Variants in NR3C2 observed in about 807,000 individuals in gnomAD.
The protein encoded by NR3C2 is nuclear receptor subfamily 3 group C member 2, also known as mineralocorticoid receptor.
In NR3C2, 15 loss-of-function variants were observed where a neutral mutation model predicts 86.4. The ratio of observed to expected loss-of-function variants is 0.17; its 90% CI spans 0.12 to 0.27. The LOEUF is 0.27. NR3C2 is among the 10% of genes least tolerant of loss of function. The probability of loss-of-function intolerance (pLI) is 1.00; values close to 1 mark genes in which losing one functional copy is unlikely to be tolerated. For missense variants in NR3C2, 960 were observed against 1,195.6 expected (o/e 0.80, Z 2.91); for synonymous variants, 458 against 450.5 (o/e 1.02, Z -0.21).
chr4:148,321,298 C>G (rs377176685), intron 2 of NR3C2, among the ~76,000 whole-genome samples: 5 of 147,856 alleles, frequency 3.4e-5, no homozygotes, highest in African/African-American at 9.9e-5. Flanking sequence ...TTACTTCCAA[C>G]TATGTGGTCA....
chr4:148,122,332 C>T (rs1245738210), intron 6 of NR3C2, among the ~76,000 whole-genome samples: 1 of 152,052 alleles, frequency 6.6e-6, no homozygotes, highest in Non-Finnish European at 1.5e-5. Flanking sequence ...TTTTCTTTCT[C>T]TCTGCCTCTT....
chr4:148,192,433 C>G (rs747443353), intron 4 of NR3C2, among the ~76,000 whole-genome samples: 1 of 152,176 alleles, frequency 6.6e-6, no homozygotes, highest in Non-Finnish European at 1.5e-5. Flanking sequence ...GGTGGTTTAA[C>G]GCTCTATTTT....
chr4:148,095,387 A>G (rs1268872715), intron 8 of NR3C2, among the ~76,000 whole-genome samples: 2 of 152,144 alleles, frequency 1.3e-5, no homozygotes, highest in African/African-American at 4.8e-5. Context: ...ATTTGTTTCT[A>G]TATCTAAGGA....
intron 8 of NR3C2, among the ~76,000 whole-genome samples, chr4:148,095,883 G>A (rs1289083075): frequency 6.6e-6 from 1 of 152,184 alleles, no homozygotes; most frequent in Admixed American, 6.5e-5. Flanking sequence ...CCATCCATTA[G>A]CATCTGATTG....
At chr4:148,188,248 C>T (rs1289677200) in intron 4 of NR3C2, among the ~76,000 whole-genome samples, 7 of 152,010 alleles carry the variant, frequency 4.6e-5, no homozygotes, top group Admixed American at 1.3e-4. Flanking sequence ...TCTAATTCTG[C>T]GAAGAATGAT....
At chr4:148,325,267 G>A (rs1292447562) in intron 2 of NR3C2, among the ~76,000 whole-genome samples, 1 of 152,094 alleles carries the variant, frequency 6.6e-6, no homozygotes, top group Non-Finnish European at 1.5e-5. Context: ...AGACATCTTT[G>A]GCCTTGTATC....
chr4:148,322,985 C>T (rs1276983720), intron 2 of NR3C2, among the ~76,000 whole-genome samples: 1 of 150,360 alleles, frequency 6.7e-6, no homozygotes, highest in African/African-American at 2.5e-5. Context: ...TTTTTCTGTT[C>T]TGTTTTTTCC....
chr4:148,289,769 T>C (rs1229447659), intron 2 of NR3C2, among the ~76,000 whole-genome samples: 4 of 152,176 alleles, frequency 2.6e-5, no homozygotes, highest in Non-Finnish European at 5.9e-5. Flanking sequence ...TGACTCTGTC[T>C]CCCTTCCTCC....
intron 8 of NR3C2, among the ~76,000 whole-genome samples, chr4:148,097,751 G>GTTTTTTT: frequency 9.7e-6 from 1 of 102,908 alleles, no homozygotes; most frequent in Non-Finnish European, 1.8e-5. Flanking sequence ...GTTTTTTTTT[G>GTTTTTTT]TTTTTTTTTT....
intron 2 of NR3C2, among the ~76,000 whole-genome samples, chr4:148,261,153 TG>T (rs1195829034): frequency 6.6e-6 from 1 of 152,168 alleles, no homozygotes; most frequent in Non-Finnish European, 1.5e-5. Flanking sequence ...AAAGTAGAAC[TG>T]GGGAAAGTGC....
chr4:148,098,667 T>C (rs1007748305), intron 8 of NR3C2, among the ~76,000 whole-genome samples: 1 of 152,196 alleles, frequency 6.6e-6, no homozygotes, highest in African/African-American at 2.4e-5. Context: ...GGGCTACAAA[T>C]ACATTTTAGT....
chr4:148,397,192 G>A lies in NR3C2; in HGVS notation c.1757+37912C>T, dbSNP rs1413230604. Among the ~76,000 whole-genome samples, 6 of 152,352 alleles carry A rather than the reference G, an allele frequency of 3.9e-5. No homozygotes were observed. In the East Asian group the frequency reaches 1.2e-3, roughly 29 times the overall value. ...AGCCCCCACCATTTCCCCGTGACCT[G>A]CTGTTCTGACCACCAGGGAGGGCCC... On this transcript the variant is annotated intron_variant, in intron 2 of 8. Coordinates refer to ENST00000358102, the MANE Select transcript of NR3C2 (RefSeq NM_000901.5).
intron 3 of NR3C2, among the ~76,000 whole-genome samples, chr4:148,214,678 A>T (rs1224227594): frequency 6.6e-6 from 1 of 152,136 alleles, no homozygotes; most frequent in Non-Finnish European, 1.5e-5. Context: ...AGGCAGCAGG[A>T]GCCTGCACGC....
At chr4:148,419,983 C>A (rs1466577868) in intron 2 of NR3C2, among the ~76,000 whole-genome samples, 1 of 151,934 alleles carries the variant, frequency 6.6e-6, no homozygotes, top group Non-Finnish European at 1.5e-5. Flanking sequence ...TTGGCCAGAC[C>A]CTTTGAAGAC....
intron 4 of NR3C2, among the ~76,000 whole-genome samples, chr4:148,164,199 G>A (rs1194080562): frequency 6.6e-6 from 1 of 152,074 alleles, no homozygotes; most frequent in Non-Finnish European, 1.5e-5. Flanking sequence ...GACAGTTCAG[G>A]CTTTTTGCTT....
At chr4:148,115,266 G>A (rs997462151) in intron 7 of NR3C2, among the ~76,000 whole-genome samples, 2 of 152,122 alleles carry the variant, frequency 1.3e-5, no homozygotes, top group African/African-American at 4.8e-5. Context: ...TCTGTGACCC[G>A]CTGAGAAGCA....
At chr4:148,108,567 C>G (rs528319480) in intron 8 of NR3C2, among the ~76,000 whole-genome samples, 1 of 152,304 alleles carries the variant, frequency 6.6e-6, no homozygotes, top group South Asian at 2.1e-4. Context: ...AGAAGAGCCA[C>G]GTCAGCTTCT....
Position 148,436,139 on chromosome 4 carries a change from A to G in NR3C2, c.722T>C (p.Val241Ala), listed in dbSNP as rs1750053966. Reference protein sequence around the residue: ...QGTPLTCSPNVENRGSRSHSP... With the variant: ...QGTPLTCSPNAENRGSRSHSP... The stretch of plus-strand genomic sequence containing the variant: ...GTGCGACCTGGAGCCTCGATTTTCA[A>G]CATTAGGGGAGCATGTCAGAGGAGT... The change falls in exon 2 of 9, where the codon GTT becomes GCT. Residue 241 changes from valine to alanine, a missense_variant. Physicochemically the swap from Val to Ala is moderately conservative, Grantham distance 64 (BLOSUM62 0). Coordinates refer to ENST00000358102, the MANE Select transcript of NR3C2 (RefSeq NM_000901.5). 1 of 1,614,034 alleles carries G rather than the reference A, an allele frequency of 6.2e-7. No individual in the cohort carries two copies.
chr4:148,377,845 C>T (rs148698463), intron 2 of NR3C2, among the ~76,000 whole-genome samples: 94 of 152,182 alleles, frequency 6.2e-4, no homozygotes, highest in Non-Finnish European at 1.2e-3. Context: ...GAGATCTTCT[C>T]GGGGATATAA....
Sources: allele counts gnomAD v4.1 joint callset (sites outside exome capture counted in the v4.1 genomes callset), GRCh38; gene constraint gnomAD v4.1.1; transcripts MANE v1.5; gene names NCBI Gene and HGNC (gene_info 2026-07-23, HGNC 2026-07-21).